The following PUF60 variants were observed in gnomAD, a reference collection of about 807,000 sequenced individuals.
PUF60 encodes the protein poly(U) binding splicing factor 60, also known as poly(U)-binding-splicing factor PUF60.
In PUF60, 10 loss-of-function variants were observed where a neutral mutation model predicts 61.8. The ratio of observed to expected loss-of-function variants is 0.16; its 90% CI spans 0.10 to 0.27. PUF60 has a LOEUF of 0.27. PUF60 is among the 10% of genes least tolerant of loss of function. The pLI, the probability that PUF60 is intolerant of heterozygous loss-of-function variation, is 1.00. For missense variants in PUF60, 371 were observed against 754.0 expected (o/e 0.49, Z 5.95); for synonymous variants, 353 against 300.9 (o/e 1.17, Z -1.79).
chr8:143,825,616 G>A (rs1292467199), intron 1 of PUF60, among the ~76,000 whole-genome samples: 1 of 152,142 alleles, frequency 6.6e-6, no homozygotes, highest in African/African-American at 2.4e-5. Context: ...TCCGCCTCCT[G>A]GGACTCCAGG....
At chr8:143,822,760 T>C (rs1817167196) in intron 2 of PUF60, 1 of 350,970 alleles carries the variant, frequency 2.8e-6, no homozygotes, top group Admixed American at 3.6e-5. Flanking sequence ...CGCAGCTGTG[T>C]GAGCAGGGAG....
At chr8:143,820,590 G>A in intron 5 of PUF60, 76 bp downstream of exon 5, 1 of 1,473,920 alleles carries the variant, frequency 6.8e-7, no homozygotes, top group Non-Finnish European at 9.5e-7. Flanking sequence ...AAGGTCCCCA[G>A]CACGTGGGCT....
chr8:143,828,887 G>A (rs1448919504), intron 1 of PUF60: 8 of 977,708 alleles, frequency 8.2e-6, no homozygotes, highest in African/African-American at 5.3e-5. Context: ...CCATCAACCC[G>A]AAGGCCCACG....
chr8:143,816,452 A>C lies in PUF60; in HGVS notation c.*68T>G. 6.6e-7 allele frequency: 1 copy of C among 1,526,048 alleles called. No individual in the cohort carries two copies. Among genetic ancestry groups the C allele is most frequent in the Non-Finnish European group, 8.8e-7 (1 of 1,135,484 alleles). 94.5% of individuals were successfully genotyped at this position (1,526,048 alleles called of 1,614,324 possible). On this transcript the variant is annotated 3_prime_UTR_variant, in exon 12 of 12. Transcript: ENST00000526683. Reference sequence around the variant, plus strand: ...GCAGAGCGCGCCTGGCCCCGGGGACACCACTGTATCACTATAAAACCCAGA... The same window carrying C: ...GCAGAGCGCGCCTGGCCCCGGGGACCCCACTGTATCACTATAAAACCCAGA...
Position 143,818,784 on chromosome 8 carries a change from C to CGGCA in PUF60, c.349-254_349-251dup, listed in dbSNP as rs1816683692. The CGGCA allele has an allele frequency of 1.9e-6, 1 of 538,660 alleles. No homozygotes were observed. The highest frequency in any genetic ancestry group is 3.4e-5 in the Admixed American group (1 of 29,410). 33.4% of individuals were successfully genotyped at this position (538,660 alleles called of 1,614,324 possible). A position where few individuals can be genotyped will look rare whatever the true frequency, so the allele number is the denominator to read the frequency against. On this transcript the variant is annotated intron_variant, in intron 5 of 11. Coordinates refer to ENST00000526683, the MANE Select transcript of PUF60 (RefSeq NM_078480.3). The surrounding 1 kb of genome is among the most constrained non-coding windows in gnomAD (Gnocchi z 7.9). ...GCCCGCCAAGGTCCCAGGCAGACTG[C>CGGCA]GGCAGCAAAGCCGACAGATGGTCAG... is the stretch of plus-strand genomic sequence containing the variant.
At chr8:143,823,850 A>G (rs376861513) in intron 2 of PUF60, among the ~76,000 whole-genome samples, 9 of 152,356 alleles carry the variant, frequency 5.9e-5, no homozygotes, top group East Asian at 3.9e-4. Context: ...CTGAGTCCCA[A>G]CCAGACCTGT....
Position 143,817,562 on chromosome 8 carries a change from C to G in PUF60, c.1008+30G>C. On this transcript the variant is annotated intron_variant, in intron 9 of 11. Transcript: ENST00000526683. This position sits in a 1 kb window ranked among gnomAD's most constrained non-coding sequence, Gnocchi z 7.4. ...AGGAATCAGGGGCCAGCCCGCCCAC[C>G]CTCAAGCCGACAGCTGTGTGGGCCC... is the stretch of plus-strand genomic sequence containing the variant. The G allele has an allele frequency of 6.2e-7, 1 of 1,609,536 alleles. No individual in the cohort carries two copies. The highest frequency in any genetic ancestry group is 1.3e-5 in the African/African-American group (1 of 74,954).
At chr8:143,823,919 T>C (rs2130371699) in intron 2 of PUF60, among the ~76,000 whole-genome samples, 1 of 152,384 alleles carries the variant, frequency 6.6e-6, no homozygotes, top group Non-Finnish European at 1.5e-5. Context: ...AGGTCTGAAA[T>C]GAAATCTGTC....
At chr8:143,821,456 G>T (rs182093580) in intron 4 of PUF60, 141 bp downstream of exon 4, 2 of 796,776 alleles carry the variant, frequency 2.5e-6, no homozygotes, top group Non-Finnish European at 2.0e-6. Flanking sequence ...GACCCCGGGG[G>T]TCCCGAGCAT....
rs1228179711 is a variant in PUF60, at chr8:143,821,594, C to T, written c.297+3G>A. The T allele has an allele frequency of 5.8e-6, 9 of 1,541,410 alleles. No homozygotes were observed. Among genetic ancestry groups the T allele is most frequent in the Non-Finnish European group, 7.8e-6 (9 of 1,146,678 alleles). On this transcript the variant is annotated splice_donor_region_variant and intron_variant, in intron 4 of 11. Coordinates refer to ENST00000526683, the MANE Select transcript of PUF60 (RefSeq NM_078480.3). ...GGCGGTAGAGGCTCCGGCCGGGGCTCACCTGCAGGTTGGTGAGCTGCTGCT... is the reference window on the plus strand; with the variant it reads ...GGCGGTAGAGGCTCCGGCCGGGGCTTACCTGCAGGTTGGTGAGCTGCTGCT...
In PUF60 at chr8:143,816,502, C is replaced by T. The variant is rs781616035; in HGVS notation, c.*18G>A. On this transcript the variant is annotated 3_prime_UTR_variant, in exon 12 of 12. Transcript: ENST00000526683. ...AGGAAACAAGGAACAAGTGCAAGTC[C>T]GGGGAGAGGGACCACTGTCACGCAG... 6.4e-5 allele frequency: 102 copies of T among 1,592,840 alleles called. No individual in the cohort carries two copies. Among genetic ancestry groups the T allele is most frequent in the Non-Finnish European group, 7.9e-5 (92 of 1,169,332 alleles).
rs919458283 is a variant in PUF60 at position 143,824,378 on chromosome 8, C to G, written c.46G>C (p.Gly16Arg). The change falls in exon 2 of 12, where the codon GGG becomes CGG. Residue 16 changes from glycine (G) to arginine (R), a missense_variant. Transcript: ENST00000526683. ...IALQVNGQQG[G>R]GSEPAAAAAV... ...GCCGCCGCCGCCGGCTCGGACCCCC[C>G]TCCTTGCTGGCCATTGACCTGCTGC... 6 of 1,612,400 alleles carry G rather than the reference C, an allele frequency of 3.7e-6. No homozygotes were observed. The highest frequency in any genetic ancestry group is 5.1e-6 in the Non-Finnish European group (6 of 1,179,796).
chr8:143,817,310 C>A lies in PUF60; in HGVS notation c.1144+21G>T, dbSNP rs1159102030. The A allele has an allele frequency of 1.3e-6, 2 of 1,576,070 alleles. No individual in the cohort carries two copies. Among genetic ancestry groups the A allele is most frequent in the Non-Finnish European group, 8.6e-7 (1 of 1,165,442 alleles). ...ATGCCAGGACAGGAGAGGAGAGGAT[C>A]TGGTACCACTTAAGACTCACCTGTG... is the stretch of plus-strand genomic sequence containing the variant. On this transcript the variant is annotated intron_variant, in intron 10 of 11. Coordinates refer to ENST00000526683, the MANE Select transcript of PUF60 (RefSeq NM_078480.3). The surrounding 1 kb of genome is among the most constrained non-coding windows in gnomAD (Gnocchi z 7.4).
intron 5 of PUF60, chr8:143,820,327 G>A (rs1031116605): frequency 3.0e-5 from 10 of 338,882 alleles, no homozygotes; most frequent in South Asian, 1.8e-4. Context: ...GGAGACTGAC[G>A]GGGCTGGAGG....
At chr8:143,822,714 C>T (rs1817160655) in intron 2 of PUF60, 1 of 375,430 alleles carries the variant, frequency 2.7e-6, no homozygotes, top group Non-Finnish European at 5.4e-6. Context: ...TCCCTCCTGT[C>T]AAAATCCATC....
chr8:143,821,570 G>A, intron 4 of PUF60, 27 bp downstream of exon 4: 1 of 1,526,394 alleles, frequency 6.6e-7, no homozygotes, highest in South Asian at 1.2e-5. Context: ...GGTGGGGAGG[G>A]CGGTAGAGGC....
chr8:143,821,511 C>T (rs753791118), intron 4 of PUF60, 86 bp downstream of exon 4: 25 of 1,256,510 alleles, frequency 2.0e-5, no homozygotes, highest in South Asian at 1.0e-4. Context: ...CGGGGACGGC[C>T]GCAGGCCCAG....
intron 4 of PUF60, 131 bp downstream of exon 4, chr8:143,821,466 T>C: frequency 1.2e-6 from 1 of 861,256 alleles, no homozygotes; most frequent in South Asian, 1.6e-5. Context: ...GTCCCGAGCA[T>C]GAGTCTTTGA....
chr8:143,828,993 A>G (rs1817983013), intron 1 of PUF60: 2 of 992,760 alleles, frequency 2.0e-6, no homozygotes, highest in African/African-American at 1.7e-5. Flanking sequence ...CCTAGCGGAC[A>G]GGAACGCAAC....
Sources: allele counts gnomAD v4.1 joint callset (sites outside exome capture counted in the v4.1 genomes callset), GRCh38; gene constraint gnomAD v4.1.1; non-coding constraint Gnocchi (gnomAD v3.1); transcripts MANE v1.5; gene names NCBI Gene and HGNC (gene_info 2026-07-23, HGNC 2026-07-21).